The following NEK1 variants were observed in gnomAD, a reference collection of about 807,000 sequenced individuals.
The protein encoded by NEK1 is serine/threonine-protein kinase Nek1.
In NEK1, 137 loss-of-function variants were observed where a neutral mutation model predicts 182.1. The observed-to-expected ratio is 0.75, with a 90% CI of 0.65 to 0.87. The LOEUF (loss-of-function observed/expected upper bound fraction) is 0.87. Ranked by LOEUF, NEK1 falls within the 40% of genes least tolerant of loss-of-function variation. NEK1 has a pLI of 0.00. For missense variants in NEK1, 1,391 were observed against 1,494.4 expected, an observed-to-expected ratio of 0.93 and a Z score of 1.14; for synonymous variants, 513 against 492.2, an observed-to-expected ratio of 1.04 and a Z score of -0.56.
chr4:169,461,155 T>C (rs1384903611), intron 27 of NEK1, among the ~76,000 whole-genome samples: 1 of 152,158 alleles, frequency 6.6e-6, no homozygotes, highest in African/African-American at 2.4e-5. Flanking sequence ...AAAGCCAGGA[T>C]TGGAACCAAA....
chr4:169,485,127 A>G (rs942986872), intron 23 of NEK1, among the ~76,000 whole-genome samples: 2 of 152,328 alleles, frequency 1.3e-5, no homozygotes, highest in South Asian at 2.1e-4. Context: ...TGGCACTTTT[A>G]TAATAATGAT....
intron 35 of NEK1, among the ~76,000 whole-genome samples, chr4:169,398,078 C>A (rs1731015460): frequency 6.6e-6 from 1 of 152,118 alleles, no homozygotes; most frequent in African/African-American, 2.4e-5. Flanking sequence ...CTCATGAAAT[C>A]TAAATATTGT....
chr4:169,447,105 G>A (rs1740717599), intron 27 of NEK1, among the ~76,000 whole-genome samples: 1 of 152,140 alleles, frequency 6.6e-6, no homozygotes, highest in South Asian at 2.1e-4. Flanking sequence ...AGAACACCAA[G>A]CAGATGTAAT....
At chr4:169,567,713 A>G (rs1355552351) in intron 12 of NEK1, among the ~76,000 whole-genome samples, 1 of 152,184 alleles carries the variant, frequency 6.6e-6, no homozygotes, top group Non-Finnish European at 1.5e-5. Flanking sequence ...TTTTTAAAAT[A>G]AGCTATATAA....
intron 27 of NEK1, among the ~76,000 whole-genome samples, chr4:169,460,330 T>A (rs1273981708): frequency 6.8e-6 from 1 of 147,164 alleles, no homozygotes; most frequent in Non-Finnish European, 1.5e-5. Context: ...ACATGGATGG[T>A]GGCAGGTTAA....
intron 27 of NEK1, among the ~76,000 whole-genome samples, chr4:169,450,496 C>T (rs1353611224): frequency 6.6e-6 from 1 of 152,198 alleles, no homozygotes; most frequent in African/African-American, 2.4e-5. Context: ...AGAAATCCTA[C>T]AAGCCAGAAG....
chr4:169,397,131 G>A (rs1730860974), intron 35 of NEK1, among the ~76,000 whole-genome samples: 1 of 152,050 alleles, frequency 6.6e-6, no homozygotes, highest in African/African-American at 2.4e-5. Flanking sequence ...GGCTGAAGTG[G>A]GAGGACTGCT....
chr4:169,475,032 A>AAAAAAC (rs1000605965), intron 26 of NEK1, among the ~76,000 whole-genome samples: 2 of 152,268 alleles, frequency 1.3e-5, no homozygotes, highest in African/African-American at 4.8e-5. Flanking sequence ...TGAGAGAGGG[A>AAAAAAC]AAAAACAAAA....
intron 10 of NEK1, among the ~76,000 whole-genome samples, chr4:169,584,967 C>T (rs1403957298): frequency 1.3e-5 from 2 of 152,160 alleles, no homozygotes; most frequent in Admixed American, 6.5e-5. Context: ...GGGATGATCA[C>T]CTGAGGCCAG....
At chr4:169,593,959 T>C (rs1768998886) in intron 5 of NEK1, among the ~76,000 whole-genome samples, 1 of 150,066 alleles carries the variant, frequency 6.7e-6, no homozygotes, top group Non-Finnish European at 1.5e-5. Context: ...ACTGCACTCC[T>C]GTCTGGGCGA....
At chr4:169,590,446 G>C (rs991030047) in intron 6 of NEK1, among the ~76,000 whole-genome samples, 1 of 152,094 alleles carries the variant, frequency 6.6e-6, no homozygotes. Flanking sequence ...CCAGAGTCTA[G>C]GTGGAGAGGA....
chr4:169,443,051 T>TTATCTATCTATCTATCTATCTATCTATC (rs58470007), intron 27 of NEK1, among the ~76,000 whole-genome samples: 2 of 141,686 alleles, frequency 1.4e-5, no homozygotes, highest in South Asian at 2.4e-4. Flanking sequence ...TAAAAATATT[T>TTATCTATCTATCTATCTATCTATCTATC]TATCTATCTA....
chr4:169,537,868 C>A lies in NEK1; in HGVS notation c.1606G>T (p.Glu536Ter), dbSNP rs368940355. 10 of 1,611,114 alleles carry A rather than the reference C, an allele frequency of 6.2e-6. No individual in the cohort carries two copies. The African/African-American group carries it at 1.2e-4, about 19-fold the overall frequency. ...GCTTCCCGTTTTCGCTGCAGGAACT[C>A]TTCTACTTGTTTAGCTCTTTCTACA... ...LAVERAKQVE[E>*]FLQRKREAMQ... Residue 536 changes from glutamate to a stop codon, truncating the protein, a stop_gained, in exon 19 of 36, where the codon GAG (glutamate) becomes TAG (stop). Transcript: ENST00000507142. LOFTEE classifies it high-confidence loss of function.
intron 35 of NEK1, among the ~76,000 whole-genome samples, chr4:169,398,365 C>T (rs922315985): frequency 6.6e-6 from 1 of 151,254 alleles, no homozygotes; most frequent in Non-Finnish European, 1.5e-5. Context: ...ATACTTTTTG[C>T]TCCTTAAAGG....
chr4:169,568,300 A>T (rs1270969431), intron 12 of NEK1, among the ~76,000 whole-genome samples: 1 of 152,244 alleles, frequency 6.6e-6, no homozygotes, highest in Non-Finnish European at 1.5e-5. Flanking sequence ...TATATTCCAA[A>T]CATTAAAATG....
chr4:169,466,862 A>C (rs1350138034), intron 26 of NEK1, among the ~76,000 whole-genome samples: 13 of 10,056 alleles, frequency 1.3e-3, no homozygotes, highest in African/African-American at 1.6e-3. Context: ...TTTATAGCAT[A>C]AAAAAAAAAT....
At position 169,508,264 on chromosome 4, in the gene NEK1, T is replaced by G; in HGVS notation, c.1817A>C (p.Lys606Thr). The G allele has an allele frequency of 6.3e-7, 1 of 1,591,126 alleles. No individual in the cohort carries two copies. Among genetic ancestry groups the G allele is most frequent in the Non-Finnish European group, 8.5e-7 (1 of 1,170,190 alleles). The change falls in exon 21 of 36, where the codon AAA (lysine) becomes ACA (threonine). Residue 606 changes from lysine to threonine, a missense_variant. Physicochemically the swap from Lys to Thr is moderately conservative, Grantham distance 78 (BLOSUM62 -1). Around this residue, in one of 5 missense-constraint regions of NEK1, gnomAD observed 1,216 missense variants for 1,277.6 expected, o/e 0.95. Transcript: ENST00000507142. Reference protein sequence around the residue: ...NFNERQQIKAKLRGEKKEANH... With the variant: ...NFNERQQIKATLRGEKKEANH... Reference sequence around the variant, plus strand: ...TCAACCTACCTTTTCACCACGAAGTTTGGCTTTAATCTGTTGGCGCTCATT... The same window carrying G: ...TCAACCTACCTTTTCACCACGAAGTGTGGCTTTAATCTGTTGGCGCTCATT...
At chr4:169,466,484 T>C (rs879737275) in intron 26 of NEK1, among the ~76,000 whole-genome samples, 6 of 151,982 alleles carry the variant, frequency 3.9e-5, no homozygotes, top group African/African-American at 1.4e-4. Context: ...ACAAGTAATG[T>C]GCATAAGATG....
At chr4:169,461,680 G>A (rs1224970832) in intron 27 of NEK1, among the ~76,000 whole-genome samples, 1 of 152,130 alleles carries the variant, frequency 6.6e-6, no homozygotes, top group Non-Finnish European at 1.5e-5. Context: ...AAGAAGAGGG[G>A]AGATAACAGG....
Sources: allele counts gnomAD v4.1 joint callset (sites outside exome capture counted in the v4.1 genomes callset), GRCh38; gene constraint gnomAD v4.1.1; regional missense constraint gnomAD v4.1.1; transcripts MANE v1.5; gene names NCBI Gene and HGNC (gene_info 2026-07-23, HGNC 2026-07-21).